The following GSE1 variants were observed in gnomAD, a reference collection of about 807,000 sequenced individuals.
The protein encoded by GSE1 is Gse1 coiled-coil protein.
GSE1 carries 32 observed loss-of-function variants against 112.6 expected under a neutral mutation model. The ratio of observed to expected loss-of-function variants is 0.28; its 90% CI spans 0.21 to 0.38. The LOEUF (loss-of-function observed/expected upper bound fraction) is 0.38. Ranked by LOEUF, GSE1 falls within the 10% of genes least tolerant of loss-of-function variation. The pLI is 1.00. For missense variants in GSE1, 2,348 were observed against 1,699.2 expected, an observed-to-expected ratio of 1.38 and a Z score of -6.71; for synonymous variants, 1,115 against 735.6, an observed-to-expected ratio of 1.52 and a Z score of -8.35.
At chr16:85,542,450 C>G (rs1233033765) in intron 2 of GSE1, among the ~76,000 whole-genome samples, 1 of 152,236 alleles carries the variant, frequency 6.6e-6, no homozygotes, top group Non-Finnish European at 1.5e-5. Context: ...GACCCAGCAT[C>G]CTCTCCCACA....
At chr16:85,179,347 T>G (rs1329658715) in intron 1 of GSE1, among the ~76,000 whole-genome samples, 1 of 152,214 alleles carries the variant, frequency 6.6e-6, no homozygotes, top group African/African-American at 2.4e-5. Flanking sequence ...TCATCCCGTT[T>G]TGTGGCTAAG....
chr16:85,569,317 G>A (rs1008683098), intron 1 of GSE1, among the ~76,000 whole-genome samples: 1 of 152,198 alleles, frequency 6.6e-6, no homozygotes, highest in Non-Finnish European at 1.5e-5. Flanking sequence ...GTAAGCAACC[G>A]TGACCTACCA....
intron 2 of GSE1, among the ~76,000 whole-genome samples, chr16:85,453,091 T>G (rs1189584971): frequency 6.6e-6 from 1 of 152,220 alleles, no homozygotes; most frequent in East Asian, 1.9e-4. Flanking sequence ...CGGAAGCTCC[T>G]GGGCCTGGGT....
chr16:85,639,069 C>G (rs1273075488), intron 2 of GSE1, among the ~76,000 whole-genome samples: 2 of 152,210 alleles, frequency 1.3e-5, no homozygotes, highest in East Asian at 3.9e-4. Context: ...GGTTGCACCC[C>G]CAGCCCCTTC....
intron 2 of GSE1, among the ~76,000 whole-genome samples, chr16:85,459,634 G>A (rs1449889038): frequency 6.6e-6 from 1 of 152,206 alleles, no homozygotes; most frequent in African/African-American, 2.4e-5. Context: ...GCTAAGATCT[G>A]TTAGTTCATG....
intron 1 of GSE1, among the ~76,000 whole-genome samples, chr16:85,558,581 G>C (rs1479012963): frequency 1.3e-5 from 2 of 152,056 alleles, no homozygotes; most frequent in African/African-American, 4.8e-5. Flanking sequence ...GGGTAGGCAG[G>C]AGGGGTGACT....
At chr16:85,659,784 C>A (rs1397013382) in intron 8 of GSE1, 1 of 152,254 alleles carries the variant, frequency 6.6e-6, no homozygotes, top group Non-Finnish European at 1.5e-5. Flanking sequence ...GGGGCAGCTT[C>A]TTGTTTAATG....
intron 2 of GSE1, among the ~76,000 whole-genome samples, chr16:85,469,253 A>T (rs1270120099): frequency 1.9e-5 from 2 of 107,124 alleles, no homozygotes; most frequent in Non-Finnish European, 1.8e-5. Flanking sequence ...AACTCCATCT[A>T]AAAAAAAAAA....
At chr16:85,250,599 C>T (rs995917101) in intron 1 of GSE1, among the ~76,000 whole-genome samples, 4 of 152,186 alleles carry the variant, frequency 2.6e-5, no homozygotes, top group Admixed American at 1.3e-4. Context: ...TCAAAAATAC[C>T]CCAATGTATG....
At chr16:85,249,040 G>A (rs762650116) in intron 1 of GSE1, among the ~76,000 whole-genome samples, 2 of 152,228 alleles carry the variant, frequency 1.3e-5, no homozygotes, top group Non-Finnish European at 2.9e-5. Flanking sequence ...GATGTCTTCA[G>A]CCTCTGGATC....
At position 85,278,405 on chromosome 16, in the gene GSE1, T is replaced by C. The variant is rs111534229; in HGVS notation, c.2284-79058T>C. ...CTGTTTTTGTCTGTGTTTGCCTGTT[T>C]TTCATTAGGTTTTTGAGAAAGAAGA... On this transcript the variant is annotated intron_variant, in intron 1 of 2. Coordinates refer to the GSE1 transcript ENST00000637419. Among the ~76,000 whole-genome samples the C allele has an allele frequency of 9.0e-4, 137 of 152,352 alleles. 1 individual carries two copies. The highest frequency in any genetic ancestry group is 3.2e-3 in the African/African-American group (131 of 41,586).
At chr16:85,226,785 G>A (rs1182747553) in intron 1 of GSE1, among the ~76,000 whole-genome samples, 1 of 148,580 alleles carries the variant, frequency 6.7e-6, no homozygotes, top group Non-Finnish European at 1.5e-5. Context: ...GTGTGTGTGT[G>A]TGTGTGTGTG....
chr16:85,603,346 C>T (rs1045576439), intron 1 of GSE1, among the ~76,000 whole-genome samples: 14 of 152,162 alleles, frequency 9.2e-5, no homozygotes, highest in Admixed American at 7.9e-4. Flanking sequence ...TGGCTTCGCT[C>T]GTGACTCTGC....
At chr16:85,661,853 G>C in intron 9 of GSE1, 88 bp downstream of exon 9, 3 of 1,297,952 alleles carry the variant, frequency 2.3e-6, no homozygotes, top group East Asian at 2.6e-5. Context: ...GCCCCTCTCC[G>C]TCCACTCCTG....
At chr16:85,243,216 A>G (rs1315314600) in intron 1 of GSE1, among the ~76,000 whole-genome samples, 7 of 152,234 alleles carry the variant, frequency 4.6e-5, no homozygotes, top group African/African-American at 1.4e-4. Flanking sequence ...ACTTAAAACA[A>G]CACACATTTA....
intron 2 of GSE1, among the ~76,000 whole-genome samples, chr16:85,374,271 T>G (rs1410940919): frequency 6.6e-6 from 1 of 151,662 alleles, no homozygotes; most frequent in East Asian, 1.9e-4. Flanking sequence ...GTGTGCAGTG[T>G]GTGTCAGTGT....
intron 1 of GSE1, among the ~76,000 whole-genome samples, chr16:85,321,144 T>A (rs749276705): frequency 6.6e-6 from 1 of 152,206 alleles, no homozygotes; most frequent in Non-Finnish European, 1.5e-5. Flanking sequence ...AGGGACCTTG[T>A]CTGTCTCTTC....
At chr16:85,195,865 G>T (rs2074917060) in intron 1 of GSE1, among the ~76,000 whole-genome samples, 2 of 152,156 alleles carry the variant, frequency 1.3e-5, no homozygotes, top group Admixed American at 1.3e-4. Flanking sequence ...AAAGCCAGCA[G>T]CTCCTGTTCC....
chr16:85,175,061 ATTG>A (rs2074433719), intron 1 of GSE1, among the ~76,000 whole-genome samples: 2 of 27,012 alleles, frequency 7.4e-5, no homozygotes, highest in South Asian at 2.7e-3. Context: ...GTTGTTCCCT[ATTG>A]TTCCCTATGA....
Sources: allele counts gnomAD v4.1 joint callset (sites outside exome capture counted in the v4.1 genomes callset), GRCh38; gene constraint gnomAD v4.1.1; transcripts MANE v1.5; gene names NCBI Gene and HGNC (gene_info 2026-07-23, HGNC 2026-07-21).